USP48: variants seen among roughly 807,000 people sequenced by gnomAD.
USP48 encodes ubiquitin carboxyl-terminal hydrolase 48.
USP48 carries 43 observed loss-of-function variants against 150.7 expected under a neutral mutation model. That is an observed-to-expected ratio of 0.29 (90% CI 0.22 to 0.37). The LOEUF (loss-of-function observed/expected upper bound fraction) is 0.37, where lower values mean the gene tolerates loss of function less well. Ranked by LOEUF, USP48 falls within the 10% of genes least tolerant of loss-of-function variation. USP48 has a pLI of 1.00. For missense variants in USP48, 813 were observed against 1,249.6 expected (o/e 0.65, Z 5.27); for synonymous variants, 396 against 425.9 (o/e 0.93, Z 0.86).
chr1:21,704,637 T>C (rs921126229), intron 19 of USP48: 3 of 369,140 alleles, frequency 8.1e-6, no homozygotes, highest in Non-Finnish European at 1.4e-5. Flanking sequence ...CATAATTGAG[T>C]AAAATAAGTT....
chr1:21,692,177 G>T (rs773573768), intron 23 of USP48, among the ~76,000 whole-genome samples: 5 of 152,070 alleles, frequency 3.3e-5, no homozygotes, highest in Admixed American at 2.0e-4. Context: ...GAACATCAGC[G>T]CCTGAAAAGC....
intron 9 of USP48, among the ~76,000 whole-genome samples, chr1:21,730,357 G>A (rs1187282577): frequency 1.3e-5 from 2 of 152,036 alleles, no homozygotes; most frequent in Non-Finnish European, 2.9e-5. Flanking sequence ...CAAGTGAATC[G>A]ATTGAACCCA....
rs768935275 is a variant in USP48 at position 21,732,436 on chromosome 1, A to G, written c.1172-2604T>C. On this transcript the variant is annotated intron_variant, in intron 9 of 26. Coordinates refer to ENST00000308271, the MANE Select transcript of USP48 (RefSeq NM_032236.8). The stretch of plus-strand genomic sequence containing the variant: ...AATCAGTTGACTCCCACGTCACAAA[A>G]GAAAGATATAACCTCTCAGCCAGTG... Among the ~76,000 whole-genome samples, 158 of 152,334 alleles carry G rather than the reference A, an allele frequency of 1.0e-3. 1 individual carries two copies. Among genetic ancestry groups the G allele is most frequent in the Non-Finnish European group, 1.7e-3 (114 of 68,038 alleles).
intron 14 of USP48, among the ~76,000 whole-genome samples, chr1:21,718,827 G>A (rs1196259813): frequency 6.6e-6 from 1 of 151,870 alleles, no homozygotes; most frequent in Admixed American, 6.6e-5. Context: ...AATTAAAGAG[G>A]TTTTAAAAAG....
chr1:21,771,903 A>G (rs966877170), intron 1 of USP48, among the ~76,000 whole-genome samples: 1 of 151,668 alleles, frequency 6.6e-6, no homozygotes, highest in Non-Finnish European at 1.5e-5. Context: ...GGGCAACAAG[A>G]GCGAAACTCC....
intron 3 of USP48, among the ~76,000 whole-genome samples, chr1:21,753,734 C>T (rs2097823440): frequency 7.1e-6 from 1 of 140,604 alleles, no homozygotes; most frequent in Admixed American, 7.5e-5. Flanking sequence ...GGCTGGGGTT[C>T]AAGGATAGCT....
chr1:21,725,343 C>T (rs963750120), intron 11 of USP48, among the ~76,000 whole-genome samples: 2 of 152,160 alleles, frequency 1.3e-5, no homozygotes, highest in Non-Finnish European at 2.9e-5. Flanking sequence ...TTCTACCTAC[C>T]TCATGGGAAT....
At chr1:21,767,893 T>C (rs1459289876) in intron 1 of USP48, among the ~76,000 whole-genome samples, 1 of 152,132 alleles carries the variant, frequency 6.6e-6, no homozygotes, top group Non-Finnish European at 1.5e-5. Flanking sequence ...TCTCATAAAT[T>C]AGACATGCAA....
At chr1:21,701,644 AG>A (rs1432835543) in intron 21 of USP48, 42 bp from the exon 22 acceptor site, 18 of 1,574,406 alleles carry the variant, frequency 1.1e-5, no homozygotes, top group Non-Finnish European at 1.6e-5. Flanking sequence ...GTCAGACCCT[AG>A]GAAGGCAGGC....
chr1:21,728,647 C>T lies in USP48; in HGVS notation c.1373G>A (p.Arg458His), dbSNP rs1379741064. ...TTTTCCTTTATCCACACTTTGCTTA[C>T]GCATCTCAGCCATTTCAATACACCA... Reference protein sequence around the residue: ...EEWCIEMAEMRKQSVDKGKAK... With the variant: ...EEWCIEMAEMHKQSVDKGKAK... Residue 458 changes from arginine (R) to histidine (H), a missense_variant, in exon 11 of 27, where the codon CGT (arginine) becomes CAT (histidine). By Grantham distance (29) the Arg-to-His change is conservative. Coordinates refer to ENST00000308271, the MANE Select transcript of USP48 (RefSeq NM_032236.8). 1.9e-6 allele frequency: 3 copies of T among 1,614,212 alleles called. No homozygotes were observed. The highest frequency in any genetic ancestry group is 2.5e-6 in the Non-Finnish European group (3 of 1,180,042).
At position 21,782,948 on chromosome 1, in the gene USP48, G is replaced by T. The variant is rs2152667858; in HGVS notation, c.10C>A (p.Arg4=). The change falls in exon 1 of 27, where the codon CGG becomes AGG. Residue 4 remains arginine (R), a synonymous_variant. Transcript: ENST00000308271. ...CAGGCCGCCTTCTCCAGCTGCAGCC[G>T]CGGGGCCATGGCCTTGGCCCCAGGA... MAP[R]LQLEKAAWRW... 1 of 1,544,492 alleles carries T rather than the reference G, an allele frequency of 6.5e-7. No individual in the cohort carries two copies.
intron 1 of USP48, among the ~76,000 whole-genome samples, chr1:21,773,704 A>G (rs978269366): frequency 2.6e-5 from 4 of 152,212 alleles, no homozygotes; most frequent in Admixed American, 1.3e-4. Flanking sequence ...CCTTTACCTC[A>G]GCAATTTCTC....
intron 1 of USP48, among the ~76,000 whole-genome samples, chr1:21,774,696 A>T (rs2097892752): frequency 6.6e-6 from 1 of 151,622 alleles, no homozygotes; most frequent in East Asian, 1.9e-4. Context: ...AAAACAAACA[A>T]ACGAAAAAAG....
rs147435291 is a variant in USP48, at chr1:21,703,296, G to A, written c.2622+216C>T. ...ATTCCTGGAACACAGCTGACATTCA[G>A]TAAATATCTATGCATCAATTAATAA... On this transcript the variant is annotated intron_variant, in intron 21 of 26. Coordinates refer to ENST00000308271, the MANE Select transcript of USP48 (RefSeq NM_032236.8). 1.5e-3 allele frequency among the ~76,000 whole-genome samples: 232 copies of A among 152,272 alleles called. 2 individuals are homozygous for A. Among genetic ancestry groups the A allele is most frequent in the African/African-American group, 4.2e-3 (176 of 41,540 alleles).
chr1:21,708,957 T>C (rs2152525255), intron 15 of USP48, among the ~76,000 whole-genome samples: 1 of 150,852 alleles, frequency 6.6e-6, no homozygotes, highest in East Asian at 1.9e-4. Context: ...TCCCCTGGGC[T>C]GGAGTACAGT....
At chr1:21,725,788 T>C (rs1237174092) in intron 11 of USP48, among the ~76,000 whole-genome samples, 1 of 151,768 alleles carries the variant, frequency 6.6e-6, no homozygotes, top group Non-Finnish European at 1.5e-5. Flanking sequence ...AGATGCAGTA[T>C]ATGTAACACA....
At chr1:21,777,237 C>T (rs2152655288) in intron 1 of USP48, among the ~76,000 whole-genome samples, 2 of 152,188 alleles carry the variant, frequency 1.3e-5, no homozygotes, top group South Asian at 4.1e-4. Flanking sequence ...TTGCATTGAG[C>T]CAAGATTGCA....
intron 1 of USP48, among the ~76,000 whole-genome samples, chr1:21,781,542 T>C (rs760400681): frequency 3.0e-4 from 46 of 152,272 alleles, no homozygotes; most frequent in Middle Eastern, 6.8e-3. Flanking sequence ...GAGACCAGCC[T>C]GGCCAACATG....
intron 23 of USP48, among the ~76,000 whole-genome samples, chr1:21,694,115 T>A (rs75126540): frequency 1.3e-5 from 2 of 152,198 alleles, no homozygotes; most frequent in South Asian, 4.1e-4. Context: ...TACTTCAGTA[T>A]TGATACCAAG....
Sources: allele counts gnomAD v4.1 joint callset (sites outside exome capture counted in the v4.1 genomes callset), GRCh38; gene constraint gnomAD v4.1.1; transcripts MANE v1.5; gene names NCBI Gene and HGNC (gene_info 2026-07-23, HGNC 2026-07-21).